NTM: variants seen among roughly 807,000 people sequenced by gnomAD.
NTM encodes the protein IgLON family member 2.
A neutral mutation model predicts 42.1 loss-of-function variants in NTM; 13 were observed. The observed-to-expected ratio is 0.31, with a 90% CI of 0.20 to 0.49. The LOEUF is 0.49. Ranked by LOEUF, NTM falls within the 20% of genes least tolerant of loss-of-function variation. The probability of loss-of-function intolerance (pLI) is 0.99; values close to 1 mark genes in which losing one functional copy is unlikely to be tolerated. For synonymous variants in NTM, 187 were observed against 179.2 expected (o/e 1.04, Z -0.35); for missense variants, 373 against 452.8 (o/e 0.82, Z 1.60).
chr11:131,943,077 G>A (rs182868261), intron 2 of NTM, among the ~76,000 whole-genome samples: 3 of 152,302 alleles, frequency 2.0e-5, no homozygotes, highest in Admixed American at 6.5e-5. Flanking sequence ...TCGTCAAGTG[G>A]AAGAGGCATC....
intron 1 of NTM, among the ~76,000 whole-genome samples, chr11:131,840,641 G>A (rs549998658): frequency 6.6e-6 from 1 of 152,242 alleles, no homozygotes; most frequent in South Asian, 2.1e-4. Context: ...CCAAAAAAAA[G>A]AGGTATATTT....
chr11:131,723,630 C>G (rs2078623345), intron 1 of NTM, among the ~76,000 whole-genome samples: 1 of 152,176 alleles, frequency 6.6e-6, no homozygotes, highest in Non-Finnish European at 1.5e-5. Flanking sequence ...AAGAATATGT[C>G]AGTGAAGCAG....
At chr11:131,619,065 A>AAAGATGTG (rs1290584720) in intron 1 of NTM, among the ~76,000 whole-genome samples, 2 of 152,188 alleles carry the variant, frequency 1.3e-5, no homozygotes, top group African/African-American at 4.8e-5. Context: ...ATAGCAACAA[A>AAAGATGTG]AAGATGTGAA....
chr11:131,768,947 T>C (rs1472198904), intron 1 of NTM, among the ~76,000 whole-genome samples: 1 of 152,242 alleles, frequency 6.6e-6, no homozygotes, highest in Non-Finnish European at 1.5e-5. Context: ...CCATTATGTT[T>C]AATAGTATAA....
chr11:131,374,465 A>G (rs1302075317), intron 1 of NTM, among the ~76,000 whole-genome samples: 4 of 152,176 alleles, frequency 2.6e-5, no homozygotes, highest in Admixed American at 2.0e-4. Context: ...CTTAAAGCCA[A>G]ATATAAGCCC....
At chr11:131,904,122 A>T (rs1276414598) in intron 1 of NTM, among the ~76,000 whole-genome samples, 1 of 152,204 alleles carries the variant, frequency 6.6e-6, no homozygotes, top group Non-Finnish European at 1.5e-5. Flanking sequence ...GTTATTATGC[A>T]AATTCTTATG....
chr11:131,596,878 C>T (rs1592162125), intron 1 of NTM, among the ~76,000 whole-genome samples: 1 of 152,216 alleles, frequency 6.6e-6, no homozygotes, highest in South Asian at 2.1e-4. Flanking sequence ...AATAGGCCAT[C>T]TGCAGGCTGA....
At chr11:132,105,893 T>C (rs1276709579) in intron 2 of NTM, among the ~76,000 whole-genome samples, 11 of 152,188 alleles carry the variant, frequency 7.2e-5, no homozygotes, top group Admixed American at 3.9e-4. Context: ...CACCTGTGCA[T>C]GTGTGGGAGG....
intron 1 of NTM, chr11:131,605,695 A>G (rs2060889584): frequency 3.1e-6 from 2 of 652,544 alleles, no homozygotes; most frequent in Non-Finnish European, 3.8e-6. Context: ...GCCCTTTATC[A>G]GGGTGAGGAC....
At chr11:131,595,251 C>T (rs1216088152) in intron 1 of NTM, among the ~76,000 whole-genome samples, 4 of 152,128 alleles carry the variant, frequency 2.6e-5, no homozygotes, top group Non-Finnish European at 5.9e-5. Flanking sequence ...CTGCTGGTGT[C>T]TCTACCCTCC....
chr11:132,066,906 G>A (rs2056587785), intron 2 of NTM, among the ~76,000 whole-genome samples: 1 of 151,986 alleles, frequency 6.6e-6, no homozygotes, highest in Admixed American at 6.6e-5. Context: ...CACCATATAA[G>A]CTCATGTCCA....
intron 2 of NTM, among the ~76,000 whole-genome samples, chr11:132,024,588 C>T (rs1212896252): frequency 6.6e-6 from 1 of 151,998 alleles, no homozygotes; most frequent in East Asian, 1.9e-4. Flanking sequence ...ATTTGGAACC[C>T]GTGGATAAGG....
intron 1 of NTM, among the ~76,000 whole-genome samples, chr11:131,873,947 G>A (rs1442038431): frequency 2.6e-5 from 3 of 115,300 alleles, no homozygotes; most frequent in African/African-American, 9.0e-5. Flanking sequence ...TGAGAATGAT[G>A]GTTTCCAGCT....
At chr11:131,773,591 A>T (rs975609478) in intron 1 of NTM, among the ~76,000 whole-genome samples, 1 of 152,174 alleles carries the variant, frequency 6.6e-6, no homozygotes, top group Non-Finnish European at 1.5e-5. Context: ...ATATTGATGC[A>T]TTTTTAAATC....
intron 1 of NTM, among the ~76,000 whole-genome samples, chr11:131,466,887 T>C (rs2136149196): frequency 6.6e-6 from 1 of 152,320 alleles, no homozygotes; most frequent in South Asian, 2.1e-4. Context: ...TCGGTCACAC[T>C]TTCACAACTG....
At chr11:132,317,832 G>GATT in intron 7 of NTM, 1 of 398,152 alleles carries the variant, frequency 2.5e-6, no homozygotes, top group South Asian at 2.1e-5. Context: ...GTGATTGATT[G>GATT]GGAGCCAGGG....
intron 1 of NTM, among the ~76,000 whole-genome samples, chr11:131,653,227 T>G (rs1487871401): frequency 1.4e-5 from 2 of 147,276 alleles, no homozygotes; most frequent in African/African-American, 2.6e-5. Context: ...TGAGGTTATC[T>G]TTTTTTTTTC....
At chr11:131,504,677 G>T (rs2047263076) in intron 1 of NTM, among the ~76,000 whole-genome samples, 1 of 152,046 alleles carries the variant, frequency 6.6e-6, no homozygotes, top group Non-Finnish European at 1.5e-5. Context: ...AACTCTTCCT[G>T]GCCTGCGTGC....
At chr11:131,794,954 G>A in intron 1 of NTM, 1 of 985,354 alleles carries the variant, frequency 1.0e-6, no homozygotes, top group Non-Finnish European at 1.2e-6. Context: ...GAACCCGCAT[G>A]TCAGTGCCTC....
Sources: gnomAD v4.1 joint callset for allele counts (sites outside exome capture counted in the v4.1 genomes callset) on GRCh38, gnomAD v4.1.1 for gene constraint, MANE v1.5 for transcripts, NCBI Gene and HGNC (gene_info 2026-07-23, HGNC 2026-07-21) for gene names.